The following PRELID2 variants were observed in gnomAD, a reference collection of about 807,000 sequenced individuals.
PRELID2 encodes PRELI domain-containing protein 2.
A neutral mutation model predicts 28.4 loss-of-function variants in PRELID2; 25 were observed. That is an observed-to-expected ratio of 0.88 (90% CI 0.64 to 1.23). The LOEUF is 1.23. PRELID2 is among the 50% of genes most tolerant of loss of function. The probability of loss-of-function intolerance (pLI) is 0.00; values close to 1 mark genes in which losing one functional copy is unlikely to be tolerated. For missense variants in PRELID2, 201 were observed against 214.4 expected, an observed-to-expected ratio of 0.94 and a Z score of 0.39; for synonymous variants, 76 against 71.6, an observed-to-expected ratio of 1.06 and a Z score of -0.31.
At chr5:145,624,311 C>T (rs925051687) in intron 1 of PRELID2, among the ~76,000 whole-genome samples, 6 of 152,164 alleles carry the variant, frequency 3.9e-5, no homozygotes, top group African/African-American at 1.4e-4. Context: ...TTAACTTAAT[C>T]TCCAGTCCCC....
chr5:145,811,116 A>AAAAAAAAAACAAC (rs1561636719), intron 4 of PRELID2, among the ~76,000 whole-genome samples: 1 of 85,724 alleles, frequency 1.2e-5, no homozygotes, highest in African/African-American at 4.7e-5. Flanking sequence ...AAAAAAAAAA[A>AAAAAAAAAACAAC]AAATTGTGCC....
the PRELID2 span, among the ~76,000 whole-genome samples, chr5:145,455,274 C>T: frequency 3.9e-5 from 6 of 152,038 alleles, no homozygotes; most frequent in Non-Finnish European, 8.8e-5. Context: ...AGATATGTGG[C>T]ATTATTTCTG....
chr5:145,754,338 T>C (rs986596911), downstream of PRELID2: 1 of 152,228 alleles, frequency 6.6e-6, no homozygotes, highest in African/African-American at 2.4e-5. Context: ...ATCTCTCCAC[T>C]GTGCATCCTA....
At chr5:145,553,400 G>T (rs1752854558) in intron 1 of PRELID2, among the ~76,000 whole-genome samples, 2 of 152,178 alleles carry the variant, frequency 1.3e-5, no homozygotes, top group South Asian at 4.1e-4. Flanking sequence ...ACTAAGGAGT[G>T]CTTAGTTCCA....
At chr5:145,646,610 A>G (rs1346067852) in intron 1 of PRELID2, among the ~76,000 whole-genome samples, 1 of 152,146 alleles carries the variant, frequency 6.6e-6, no homozygotes, top group Non-Finnish European at 1.5e-5. Flanking sequence ...GGAGGAAAAA[A>G]GCCGTTCTGG....
intron 1 of PRELID2, among the ~76,000 whole-genome samples, chr5:145,541,338 G>A (rs1002522688): frequency 4.6e-5 from 7 of 151,988 alleles, no homozygotes; most frequent in African/African-American, 1.7e-4. Context: ...AATCCTTATA[G>A]CAACATTATA....
the PRELID2 span, among the ~76,000 whole-genome samples, chr5:145,345,935 T>C: frequency 1.3e-5 from 2 of 152,072 alleles, no homozygotes. Flanking sequence ...TTCAGATATA[T>C]AAACTGAGTC....
At chr5:145,464,881 T>C in the PRELID2 span, among the ~76,000 whole-genome samples, 2 of 152,220 alleles carry the variant, frequency 1.3e-5, no homozygotes, top group Admixed American at 1.3e-4. Flanking sequence ...ATATTTGACA[T>C]AGGCCAACAG....
Position 145,539,118 on chromosome 5 carries a change from A to G in PRELID2, n.71-65803T>C, listed in dbSNP as rs534812920. Among the ~76,000 whole-genome samples, 3 of 152,114 alleles carry G rather than the reference A, an allele frequency of 2.0e-5. No homozygotes were observed. The South Asian group carries it at 6.2e-4, about 31-fold the overall frequency. ...CCGAAACAAGGAGCCTTCATCAGAG[A>G]ATAAAATACAACCAGGCTAACTGCC... On this transcript the variant is annotated intron_variant and non_coding_transcript_variant, in intron 1 of 2. Transcript: ENST00000510259.
In PRELID2 at chr5:145,741,992, T is replaced by C. The variant is rs1335520241; in HGVS notation, n.70+22939A>G. ...TAAATTTATTTAATTATAATAAATT[T>C]ATTATAAATAATAAATTTATTATAA... On this transcript the variant is annotated intron_variant and non_coding_transcript_variant, in intron 1 of 2. Transcript: ENST00000510259. Among the ~76,000 whole-genome samples the C allele has an allele frequency of 4.2e-3, 255 of 60,060 alleles. 2 individuals carry two copies. Among genetic ancestry groups the C allele is most frequent in the African/African-American group, 0.013 (222 of 17,672 alleles). 39.4% of individuals were successfully genotyped at this position (60,060 alleles called of 152,430 possible).
intron 1 of PRELID2, among the ~76,000 whole-genome samples, chr5:145,484,002 A>G (rs973920319): frequency 6.6e-6 from 1 of 152,242 alleles, no homozygotes; most frequent in Non-Finnish European, 1.5e-5. Context: ...CTACTCAGAT[A>G]AATCATCAAT....
chr5:145,366,568 C>G, the PRELID2 span, among the ~76,000 whole-genome samples: 4 of 151,836 alleles, frequency 2.6e-5, no homozygotes, highest in African/African-American at 4.8e-5. Context: ...TAAATTACAT[C>G]GGGTTGAAGT....
At chr5:145,536,166 G>C (rs1034665140) in intron 1 of PRELID2, among the ~76,000 whole-genome samples, 23 of 151,954 alleles carry the variant, frequency 1.5e-4, no homozygotes, top group African/African-American at 5.6e-4. Context: ...AAGGGAGGCT[G>C]AGGGATGGCT....
chr5:145,818,362 C>T (rs1050543201), intron 3 of PRELID2, among the ~76,000 whole-genome samples: 2 of 152,172 alleles, frequency 1.3e-5, no homozygotes, highest in East Asian at 3.8e-4. Context: ...TGGTTATGGC[C>T]TTCTTAAATT....
At chr5:145,343,902 G>C in the PRELID2 span, among the ~76,000 whole-genome samples, 1 of 151,814 alleles carries the variant, frequency 6.6e-6, no homozygotes, top group Non-Finnish European at 1.5e-5. Context: ...CCAACAGACT[G>C]AAAACCTAGG....
intron 1 of PRELID2, among the ~76,000 whole-genome samples, chr5:145,573,042 G>A (rs1252869301): frequency 6.6e-6 from 1 of 152,106 alleles, no homozygotes; most frequent in East Asian, 1.9e-4. Flanking sequence ...TTAGGCAATA[G>A]GATATAGAGG....
At chr5:145,772,618 G>A (rs1758179491) in intron 5 of PRELID2, among the ~76,000 whole-genome samples, 1 of 152,096 alleles carries the variant, frequency 6.6e-6, no homozygotes, top group Non-Finnish European at 1.5e-5. Flanking sequence ...TTTATAATTG[G>A]CATGAATCCA....
At chr5:145,819,671 C>T in intron 3 of PRELID2, 1 of 565,208 alleles carries the variant, frequency 1.8e-6, no homozygotes, top group Middle Eastern at 4.6e-4. Context: ...TAGATAGTCA[C>T]TTCATGCAAA....
the PRELID2 span, among the ~76,000 whole-genome samples, chr5:145,390,590 A>G: frequency 6.6e-6 from 1 of 152,178 alleles, no homozygotes; most frequent in African/African-American, 2.4e-5. Flanking sequence ...TGGAACTACA[A>G]TTCAGGATGA....
Sources: allele counts gnomAD v4.1 joint callset (sites outside exome capture counted in the v4.1 genomes callset), GRCh38; gene constraint gnomAD v4.1.1; transcripts MANE v1.5; gene names NCBI Gene and HGNC (gene_info 2026-07-23, HGNC 2026-07-21).